The following UBE2L3 variants were observed in gnomAD, a reference collection of about 807,000 sequenced individuals.
UBE2L3 encodes ubiquitin-conjugating enzyme E2 L3.
Under a neutral mutation model 17.8 loss-of-function variants are expected in UBE2L3, and 1 was observed. That is an observed-to-expected ratio of 0.06 (90% CI 0.02 to 0.27). The LOEUF (loss-of-function observed/expected upper bound fraction) is 0.27. Ranked by LOEUF, UBE2L3 falls within the 10% of genes least tolerant of loss-of-function variation. UBE2L3 has a pLI of 1.00. For synonymous variants in UBE2L3, 44 were observed against 68.5 expected (o/e 0.64, Z 1.76); for missense variants, 40 against 192.6 (o/e 0.21, Z 4.69).
chr22:21,563,418 C>T (rs1191693050), upstream of UBE2L3, among the ~76,000 whole-genome samples: 4 of 143,834 alleles, frequency 2.8e-5, no homozygotes, highest in South Asian at 2.2e-4. Context: ...AAAAATTAGC[C>T]AGGCGTGGTG....
intron 1 of UBE2L3, among the ~76,000 whole-genome samples, chr22:21,558,534 GGGA>G (rs1393092069): frequency 6.6e-6 from 1 of 152,088 alleles, no homozygotes; most frequent in Non-Finnish European, 1.5e-5. Flanking sequence ...GGGAGGCTGA[GGGA>G]GGAGAATGGC....
chr22:21,605,251 TGGTGCAGTCTTGGCTCACTGCAGC>T (rs1929090317), intron 2 of UBE2L3, among the ~76,000 whole-genome samples: 2 of 152,210 alleles, frequency 1.3e-5, no homozygotes, highest in East Asian at 1.9e-4. Flanking sequence ...AGGAGTGCAG[TGGTGCAGTCTTGGCTCACTGCAGC>T]GGTGTGATCT....
At chr22:21,615,520 A>C (rs886760081) in intron 3 of UBE2L3, among the ~76,000 whole-genome samples, 1 of 150,872 alleles carries the variant, frequency 6.6e-6, no homozygotes, top group Non-Finnish European at 1.5e-5. Context: ...ACGCCACTGC[A>C]CTCCAGCCTG....
intron 2 of UBE2L3, among the ~76,000 whole-genome samples, chr22:21,600,436 C>T (rs947676636): frequency 6.6e-5 from 10 of 152,194 alleles, no homozygotes; most frequent in Non-Finnish European, 5.9e-5. Flanking sequence ...TGGCTCATGC[C>T]TGTAATCCCA....
intron 1 of UBE2L3, among the ~76,000 whole-genome samples, chr22:21,590,064 C>T (rs1028273130): frequency 1.3e-5 from 2 of 152,214 alleles, no homozygotes; most frequent in Non-Finnish European, 2.9e-5. Context: ...GTGCTCCTCA[C>T]TGACTGCTTC....
rs58599508 is a variant in UBE2L3, at chr22:21,584,110, G to A, written c.28-8751G>A. On this transcript the variant is annotated intron_variant, in intron 1 of 3. Transcript: ENST00000342192. The stretch of plus-strand genomic sequence containing the variant: ...GGCTGGTCTCGAACTCCCGACCTCA[G>A]GTGATCCGCCCGCCTTGGCCTCCCA... Among the ~76,000 whole-genome samples the A allele has an allele frequency of 6.3e-3, 957 of 152,022 alleles. 9 individuals carry two copies. The highest frequency in any genetic ancestry group is 0.022 in the African/African-American group (903 of 41,478).
chr22:21,566,034 G>A (rs939378477), upstream of UBE2L3, among the ~76,000 whole-genome samples: 1 of 149,176 alleles, frequency 6.7e-6, no homozygotes, highest in Non-Finnish European at 1.5e-5. Context: ...GTGCAGTGGC[G>A]CGGACTTGGC....
chr22:21,568,351 C>T (rs1219154761), intron 1 of UBE2L3: 5 of 985,432 alleles, frequency 5.1e-6, no homozygotes, highest in Non-Finnish European at 6.0e-6. Flanking sequence ...CAAACTGTCG[C>T]CTTGTGACTG....
At chr22:21,560,218 G>T (rs1304581727) in intron 1 of UBE2L3, among the ~76,000 whole-genome samples, 1 of 152,120 alleles carries the variant, frequency 6.6e-6, no homozygotes, top group Admixed American at 6.5e-5. Flanking sequence ...CTTATGGGCA[G>T]GTCTGTGTGA....
At chr22:21,592,549 A>C (rs1341630904) in intron 1 of UBE2L3, among the ~76,000 whole-genome samples, 3 of 152,232 alleles carry the variant, frequency 2.0e-5, no homozygotes, top group Non-Finnish European at 4.4e-5. Flanking sequence ...GGATTTAAAC[A>C]GCCATGGTGA....
At chr22:21,621,486 C>A (rs762674712) in intron 3 of UBE2L3, 29 bp from the exon 4 acceptor site, 3 of 1,575,294 alleles carry the variant, frequency 1.9e-6, no homozygotes, top group South Asian at 2.3e-5. Flanking sequence ...ACTGTGTTAA[C>A]CCCCCATGCC....
At chr22:21,609,116 C>T (rs558979477) in intron 2 of UBE2L3, among the ~76,000 whole-genome samples, 43 of 151,772 alleles carry the variant, frequency 2.8e-4, no homozygotes, top group African/African-American at 1.0e-3. Context: ...CCAGGATGGT[C>T]TCGATCTCCT....
chr22:21,606,352 C>T (rs1274016439), intron 2 of UBE2L3, among the ~76,000 whole-genome samples: 2 of 136,382 alleles, frequency 1.5e-5, no homozygotes, highest in East Asian at 6.3e-4. Context: ...GTGTGTCTTA[C>T]TCTGTTGCCC....
rs550024285 is a variant in UBE2L3 at position 21,591,867 on chromosome 22, G to A, written c.28-994G>A. On this transcript the variant is annotated intron_variant, in intron 1 of 3. Transcript: ENST00000342192. Reference sequence around the variant, plus strand: ...CGGCTTTTGTGCCACTGGATGGGAGGCCGGGCTGAGGCGGGTAGAGTGGCA... The same window carrying A: ...CGGCTTTTGTGCCACTGGATGGGAGACCGGGCTGAGGCGGGTAGAGTGGCA... 1.8e-3 allele frequency among the ~76,000 whole-genome samples: 267 copies of A among 152,290 alleles called. 1 individual carries two copies. Among genetic ancestry groups the A allele is most frequent in the Non-Finnish European group, 3.2e-3 (219 of 68,022 alleles).
chr22:21,610,301 A>G (rs919222817), intron 2 of UBE2L3, among the ~76,000 whole-genome samples: 1 of 152,224 alleles, frequency 6.6e-6, no homozygotes, highest in African/African-American at 2.4e-5. Context: ...AGGTTTCAAC[A>G]TAAGATTTTT....
At chr22:21,584,064 G>A (rs1038283422) in intron 1 of UBE2L3, among the ~76,000 whole-genome samples, 13 of 151,776 alleles carry the variant, frequency 8.6e-5, no homozygotes, top group African/African-American at 2.7e-4. Flanking sequence ...TAGTAGAGAC[G>A]GGGTTTCTCC....
In UBE2L3 at chr22:21,610,143, G is replaced by A. The variant is rs566050147; in HGVS notation, c.124-714G>A. On this transcript the variant is annotated intron_variant, in intron 2 of 3. Transcript: ENST00000342192. ...GTGGCAACTGAGGGCCGGCTTCATG[G>A]TTTATAGATGGTGCCTTTTCACTGT... Among the ~76,000 whole-genome samples, 3 of 152,290 alleles carry A rather than the reference G, an allele frequency of 2.0e-5. No homozygotes were observed. In the East Asian group the frequency reaches 5.8e-4, roughly 29 times the overall value.
chr22:21,565,783 A>AAAAAG (rs1568967882), upstream of UBE2L3, among the ~76,000 whole-genome samples: 2 of 148,438 alleles, frequency 1.3e-5, no homozygotes, highest in Non-Finnish European at 3.0e-5. Context: ...AAAAAAAAAA[A>AAAAAG]AGAGAAAAAC....
upstream of UBE2L3, chr22:21,567,589 A>C: frequency 1.4e-6 from 2 of 1,466,338 alleles, no homozygotes; most frequent in Non-Finnish European, 1.8e-6. Flanking sequence ...GCGTTCCTCC[A>C]CGCGCCCCCC....
Sources: allele counts gnomAD v4.1 joint callset (sites outside exome capture counted in the v4.1 genomes callset), GRCh38; gene constraint gnomAD v4.1.1; transcripts MANE v1.5; gene names NCBI Gene and HGNC (gene_info 2026-07-23, HGNC 2026-07-21).